The following ASXL3 variants were observed in gnomAD, a reference collection of about 807,000 sequenced individuals.
ASXL3 encodes ASXL transcriptional regulator 3, also known as putative Polycomb group protein ASXL3.
ASXL3 carries 34 observed loss-of-function variants against 170.6 expected under a neutral mutation model. The ratio of observed to expected loss-of-function variants is 0.20; its 90% CI spans 0.15 to 0.27. The LOEUF (loss-of-function observed/expected upper bound fraction) is 0.27. Ranked by LOEUF, ASXL3 falls within the 10% of genes least tolerant of loss-of-function variation. ASXL3 has a pLI of 1.00. For synonymous variants in ASXL3, 1,002 were observed against 989.1 expected (o/e 1.01, Z -0.24); for missense variants, 2,592 against 2,695.3 (o/e 0.96, Z 0.85).
chr18:33,726,314 C>T (rs556259943), intron 8 of ASXL3, among the ~76,000 whole-genome samples: 1 of 152,218 alleles, frequency 6.6e-6, no homozygotes, highest in South Asian at 2.1e-4. Context: ...TATCCCAGTC[C>T]AAGCTACTAT....
In ASXL3 at chr18:33,683,587, C is replaced by T. The variant is rs1326069544; in HGVS notation, c.879+19C>T. ...TAGGCAGGTAAGTAGAAGTTTTAGA[C>T]ATTTGATACCAGCCACTAGTTATAT... On this transcript the variant is annotated intron_variant, in intron 8 of 11. Coordinates refer to ENST00000269197, the MANE Select transcript of ASXL3 (RefSeq NM_030632.3). 4.4e-6 allele frequency: 7 copies of T among 1,595,342 alleles called. No individual in the cohort carries two copies. The highest frequency in any genetic ancestry group is 3.4e-5 in the Admixed American group (2 of 58,676).
chr18:33,594,964 G>C (rs544716594), intron 1 of ASXL3, among the ~76,000 whole-genome samples: 146 of 152,208 alleles, frequency 9.6e-4, no homozygotes, highest in Non-Finnish European at 1.9e-3. Flanking sequence ...TTGGTTTGTA[G>C]TATAAACCAT....
chr18:33,681,386 A>G lies in ASXL3; in HGVS notation c.716-2019A>G, dbSNP rs561769767. 1.2e-3 allele frequency among the ~76,000 whole-genome samples: 186 copies of G among 152,248 alleles called. 1 individual carries two copies. The highest frequency in any genetic ancestry group is 4.4e-3 in the African/African-American group (181 of 41,562). ...TTATTTCAGCAAGATTCTCTAAAGG[A>G]TAGAGTTTCGATTTAGGATACCAAA... On this transcript the variant is annotated intron_variant, in intron 7 of 11. Transcript: ENST00000269197.
At chr18:33,582,205 C>T (rs770206104) in intron 1 of ASXL3, among the ~76,000 whole-genome samples, 65 of 152,140 alleles carry the variant, frequency 4.3e-4, no homozygotes, top group Non-Finnish European at 1.0e-4. Context: ...TAACTCATGT[C>T]GAGCTGGGGC....
In ASXL3 at chr18:33,748,467, C is replaced by A. The variant is rs2067833120; in HGVS notation, c.*1872C>A. The A allele has an allele frequency of 6.6e-6, 1 of 152,184 alleles. No homozygotes were observed. Among genetic ancestry groups the A allele is most frequent in the African/African-American group, 2.4e-5 (1 of 41,438 alleles). The allele number at this position is 152,184 out of a possible 1,614,324, so 9.4% of individuals were successfully genotyped here. ...TGCTGTAGCCATGATTTTGGTGCTT[C>A]AGTACTGTCATTTCTGTTTTTCACA... On this transcript the variant is annotated 3_prime_UTR_variant, in exon 12 of 12. Transcript: ENST00000269197.
At position 33,606,374 on chromosome 18, in the gene ASXL3, G is replaced by T. The variant is rs139550876; in HGVS notation, c.55-1220G>T. The stretch of plus-strand genomic sequence containing the variant: ...AGGGGCTGATCAGGATTGGGAAAAA[G>T]GAGGAAATTTCCTGGGAACTAGAAA... On this transcript the variant is annotated intron_variant, in intron 1 of 11. Transcript: ENST00000269197. 6.6e-5 allele frequency among the ~76,000 whole-genome samples: 10 copies of T among 152,006 alleles called. No homozygotes were observed. The East Asian group carries it at 1.9e-3, about 30-fold the overall frequency.
intron 2 of ASXL3, among the ~76,000 whole-genome samples, chr18:33,608,528 T>G (rs1463500538): frequency 6.6e-6 from 1 of 152,002 alleles, no homozygotes; most frequent in Non-Finnish European, 1.5e-5. Flanking sequence ...TTTTATGGTT[T>G]TGGCTTTAGA....
chr18:33,716,486 T>G (rs563209424), intron 8 of ASXL3, among the ~76,000 whole-genome samples: 51 of 152,310 alleles, frequency 3.3e-4, no homozygotes, highest in African/African-American at 1.2e-3. Context: ...CATGAAGGTT[T>G]GACATGTTGC....
intron 1 of ASXL3, among the ~76,000 whole-genome samples, chr18:33,582,286 G>T (rs942799489): frequency 6.6e-6 from 1 of 152,056 alleles, no homozygotes; most frequent in African/African-American, 2.4e-5. Context: ...TTAAACCATT[G>T]TGAAACGATC....
intron 9 of ASXL3, among the ~76,000 whole-genome samples, chr18:33,732,518 T>C (rs1224723433): frequency 6.6e-6 from 1 of 152,042 alleles, no homozygotes; most frequent in Non-Finnish European, 1.5e-5. Context: ...AACTTTATAG[T>C]CAGGGATGGG....
At chr18:33,697,057 A>G (rs2066785104) in intron 8 of ASXL3, among the ~76,000 whole-genome samples, 1 of 152,100 alleles carries the variant, frequency 6.6e-6, no homozygotes, top group South Asian at 2.1e-4. Context: ...TCTAACACCT[A>G]CTGACCTCAC....
chr18:33,723,261 G>T (rs987907322), intron 8 of ASXL3, among the ~76,000 whole-genome samples: 1 of 152,142 alleles, frequency 6.6e-6, no homozygotes, highest in Admixed American at 6.5e-5. Flanking sequence ...TTCCTCTGAT[G>T]GTTCTGAGCA....
rs568221465 is a variant in ASXL3 at position 33,676,222 on chromosome 18, C to CAAAAAAAAAAAAAA, written c.715+4368_715+4381dup. ...CTGGGTGACGAGCGAGACTCCGTCT[C>CAAAAAAAAAAAAAA]AAAAAAAAAAAAAAAAAAAAAAAAA... On this transcript the variant is annotated intron_variant, in intron 7 of 11. Transcript: ENST00000269197. Among the ~76,000 whole-genome samples the CAAAAAAAAAAAAAA allele has an allele frequency of 4.0e-3, 167 of 41,730 alleles. 24 individuals are homozygous for CAAAAAAAAAAAAAA. The highest frequency in any genetic ancestry group is 0.015 in the African/African-American group (157 of 10,260). The allele number at this position is 41,730 out of a possible 152,430, so 27.4% of individuals were successfully genotyped here. A position where few individuals can be genotyped will look rare whatever the true frequency, so the allele number is the denominator to read the frequency against.
intron 9 of ASXL3, among the ~76,000 whole-genome samples, chr18:33,733,869 C>T (rs558030992): frequency 7.9e-5 from 12 of 152,244 alleles, no homozygotes; most frequent in African/African-American, 2.6e-4. Flanking sequence ...CCTCCTTAAT[C>T]GACCTAGGCA....
At chr18:33,585,837 G>A (rs1228419670) in intron 1 of ASXL3, among the ~76,000 whole-genome samples, 1 of 152,128 alleles carries the variant, frequency 6.6e-6, no homozygotes, top group African/African-American at 2.4e-5. Context: ...TCTAATTTAT[G>A]ATACAATTAT....
In ASXL3 at chr18:33,746,856, C is replaced by T. The variant is rs2067803649; in HGVS notation, c.*261C>T. 2 of 404,310 alleles carry T rather than the reference C, an allele frequency of 4.9e-6. No homozygotes were observed. Among genetic ancestry groups the T allele is most frequent in the African/African-American group, 4.1e-5 (2 of 48,866 alleles). 25.0% of individuals were successfully genotyped at this position (404,310 alleles called of 1,614,324 possible). A position where few individuals can be genotyped will look rare whatever the true frequency, so the allele number is the denominator to read the frequency against. On this transcript the variant is annotated 3_prime_UTR_variant, in exon 12 of 12. Transcript: ENST00000269197. ...AAGTTTCTATCTGTCCATGTGTATA[C>T]AAGTCAATGCCCCATTTTTGTTTTT...
Position 33,748,222 on chromosome 18 carries a change from G to A in ASXL3, c.*1627G>A, listed in dbSNP as rs187864985. ...ACTTTTTGACATTCCCGTAAAACACGTCTTAAAAGTTGACTGGAATGAGCA... is the reference window on the plus strand; with the variant it reads ...ACTTTTTGACATTCCCGTAAAACACATCTTAAAAGTTGACTGGAATGAGCA... On this transcript the variant is annotated 3_prime_UTR_variant, in exon 12 of 12. Transcript: ENST00000269197. 18 of 152,192 alleles carry A rather than the reference G, an allele frequency of 1.2e-4. No homozygotes were observed. The highest frequency in any genetic ancestry group is 3.4e-3 in the Middle Eastern group (1 of 294). The allele number at this position is 152,192 out of a possible 1,614,324, so 9.4% of individuals were successfully genotyped here.
Position 33,706,290 on chromosome 18 carries a change from A to G in ASXL3, c.879+22722A>G, listed in dbSNP as rs537531235. 5.9e-5 allele frequency among the ~76,000 whole-genome samples: 9 copies of G among 151,736 alleles called. No individual in the cohort carries two copies. In the East Asian group the frequency reaches 1.7e-3, roughly 29 times the overall value. On this transcript the variant is annotated intron_variant, in intron 8 of 11. Coordinates refer to ENST00000269197, the MANE Select transcript of ASXL3 (RefSeq NM_030632.3). ...AGATAACATGGACATTTTGGTATTT[A>G]TGGTTTTGCTTCCATGGACATTTCA...
In ASXL3 at chr18:33,683,590, T is replaced by C. The variant is rs1257229077; in HGVS notation, c.879+22T>C. The C allele has an allele frequency of 4.4e-6, 7 of 1,594,856 alleles. No individual in the cohort carries two copies. The African/African-American group carries it at 9.4e-5, about 21-fold the overall frequency. ...GCAGGTAAGTAGAAGTTTTAGACAT[T>C]TGATACCAGCCACTAGTTATATTAT... is the stretch of plus-strand genomic sequence containing the variant. On this transcript the variant is annotated intron_variant, in intron 8 of 11. Coordinates refer to ENST00000269197, the MANE Select transcript of ASXL3 (RefSeq NM_030632.3).
Sources: allele counts gnomAD v4.1 joint callset (sites outside exome capture counted in the v4.1 genomes callset), GRCh38; gene constraint gnomAD v4.1.1; transcripts MANE v1.5; gene names NCBI Gene and HGNC (gene_info 2026-07-23, HGNC 2026-07-21).